The following C20orf203 variants were observed in gnomAD, a reference collection of about 807,000 sequenced individuals.
C20orf203 encodes the protein uncharacterized protein C20orf203.
In C20orf203, 16 loss-of-function variants were observed where a neutral mutation model predicts 15.9. The ratio of observed to expected loss-of-function variants is 1.01; its 90% CI spans 0.68 to 1.53. The LOEUF (loss-of-function observed/expected upper bound fraction) is 1.53, where lower values mean the gene tolerates loss of function less well. C20orf203 is among the 40% of genes most tolerant of loss of function. C20orf203 has a pLI of 0.00. For synonymous variants in C20orf203, 98 were observed against 97.2 expected, an observed-to-expected ratio of 1.01 and a Z score of -0.05; for missense variants, 263 against 247.5, an observed-to-expected ratio of 1.06 and a Z score of -0.42.
chr20:32,664,497 C>T (rs1436671506), intron 1 of C20orf203, among the ~76,000 whole-genome samples: 1 of 152,238 alleles, frequency 6.6e-6, no homozygotes, highest in African/African-American at 2.4e-5. Context: ...CTCCTGCCCT[C>T]CTCCTGGGCT....
At chr20:32,666,830 T>C (rs1228649375) in intron 1 of C20orf203, among the ~76,000 whole-genome samples, 1 of 109,744 alleles carries the variant, frequency 9.1e-6, no homozygotes, top group African/African-American at 3.5e-5. Flanking sequence ...TATATAGTTT[T>C]GTTTTGTTTT....
intron 4 of C20orf203, among the ~76,000 whole-genome samples, chr20:32,641,179 T>C (rs1982270619): frequency 6.6e-6 from 1 of 151,594 alleles, no homozygotes; most frequent in Non-Finnish European, 1.5e-5. Flanking sequence ...CAAAATATTA[T>C]CTGGGTGTCG....
At chr20:32,639,083 C>A (rs1023889073) in intron 5 of C20orf203, among the ~76,000 whole-genome samples, 4 of 152,222 alleles carry the variant, frequency 2.6e-5, no homozygotes, top group Non-Finnish European at 4.4e-5. Flanking sequence ...GTGCCTCTAG[C>A]CCCTACCCAG....
At chr20:32,646,524 G>C (rs1982438203) in intron 4 of C20orf203, among the ~76,000 whole-genome samples, 1 of 152,202 alleles carries the variant, frequency 6.6e-6, no homozygotes, top group South Asian at 2.1e-4. Flanking sequence ...GGATTAAACT[G>C]TGTGTCAAGG....
chr20:32,649,803 G>A lies in C20orf203; in HGVS notation c.*629C>T, dbSNP rs1467040747. Reference sequence around the variant, plus strand: ...ACCCTTCTTCAGGGAAACAGAAGGGGGCTGGTTCGGCCCCGGACCATGGGC... The same window carrying A: ...ACCCTTCTTCAGGGAAACAGAAGGGAGCTGGTTCGGCCCCGGACCATGGGC... On this transcript the variant is annotated 3_prime_UTR_variant, in exon 4 of 6. Coordinates refer to ENST00000608990, the MANE Select transcript of C20orf203 (RefSeq NM_182584.4). 6.5e-6 allele frequency: 1 copy of A among 152,690 alleles called. No individual in the cohort carries two copies. Among genetic ancestry groups the A allele is most frequent in the Non-Finnish European group, 1.5e-5 (1 of 68,410 alleles). The allele number at this position is 152,690 out of a possible 1,614,324, so 9.5% of individuals were successfully genotyped here.
intron 1 of C20orf203, among the ~76,000 whole-genome samples, chr20:32,665,773 G>A (rs1983004230): frequency 6.6e-6 from 1 of 152,068 alleles, no homozygotes; most frequent in Admixed American, 6.6e-5. Flanking sequence ...AGACCAGCCT[G>A]GCCAAGATGG....
At position 32,633,706 on chromosome 20, in the gene C20orf203, C is replaced by T. The variant is rs1433887791; in HGVS notation, c.*1864G>A. Reference sequence around the variant, plus strand: ...GGGCTCCAGAGCCCATGACACGTTTCCCTCTTGTAGAAGGTCCTTGTCTGT... The same window carrying T: ...GGGCTCCAGAGCCCATGACACGTTTTCCTCTTGTAGAAGGTCCTTGTCTGT... On this transcript the variant is annotated 3_prime_UTR_variant, in exon 6 of 6. Transcript: ENST00000608990. 6.9e-6 allele frequency: 2 copies of T among 289,434 alleles called. No individual in the cohort carries two copies. Among genetic ancestry groups the T allele is most frequent in the African/African-American group, 2.2e-5 (1 of 46,334 alleles). 17.9% of individuals were successfully genotyped at this position (289,434 alleles called of 1,614,324 possible).
chr20:32,650,418 C>A lies in C20orf203; in HGVS notation c.*14G>T. Reference sequence around the variant, plus strand: ...AGGCAGGCAGAGCTGGGGGTGGGGGCGCCCTGGGCTCGGCTAATTAAACAG... The same window carrying A: ...AGGCAGGCAGAGCTGGGGGTGGGGGAGCCCTGGGCTCGGCTAATTAAACAG... On this transcript the variant is annotated 3_prime_UTR_variant, in exon 4 of 6. Coordinates refer to ENST00000608990, the MANE Select transcript of C20orf203 (RefSeq NM_182584.4). 6.5e-7 allele frequency: 1 copy of A among 1,539,230 alleles called. No individual in the cohort carries two copies. Among genetic ancestry groups the A allele is most frequent in the African/African-American group, 1.4e-5 (1 of 72,980 alleles).
intron 5 of C20orf203, among the ~76,000 whole-genome samples, chr20:32,636,343 G>A (rs1982137907): frequency 6.6e-6 from 1 of 152,182 alleles, no homozygotes; most frequent in Admixed American, 6.5e-5. Context: ...CTGAACTAGT[G>A]CAGACATCTG....
intron 5 of C20orf203, among the ~76,000 whole-genome samples, chr20:32,637,662 T>G (rs1365978072): frequency 6.6e-6 from 1 of 152,192 alleles, no homozygotes; most frequent in Non-Finnish European, 1.5e-5. Context: ...CAGTGTCAGC[T>G]CCACATGGGC....
chr20:32,667,832 A>T (rs748535928), intron 1 of C20orf203, among the ~76,000 whole-genome samples: 1 of 152,020 alleles, frequency 6.6e-6, no homozygotes, highest in Non-Finnish European at 1.5e-5. Context: ...CACCACACCC[A>T]GCTAATTTTT....
chr20:32,652,391 G>A (rs1185299740), intron 1 of C20orf203, among the ~76,000 whole-genome samples: 1 of 149,288 alleles, frequency 6.7e-6, no homozygotes, highest in Non-Finnish European at 1.5e-5. Flanking sequence ...AGCCCTCCAT[G>A]CAAAGGGGCT....
At chr20:32,648,342 C>T (rs1370920215) in intron 4 of C20orf203, among the ~76,000 whole-genome samples, 1 of 152,000 alleles carries the variant, frequency 6.6e-6, no homozygotes, top group East Asian at 1.9e-4. Context: ...CCTGGACCAC[C>T]CCTCCCGAAA....
At chr20:32,657,492 A>AAACAAC (rs3080486) in intron 1 of C20orf203, 19,820 of 150,714 alleles carry the variant, frequency 0.13, 1,501 homozygotes, top group East Asian at 0.29. Flanking sequence ...TCTGTCTCCA[A>AAACAAC]AACAACAACA....
chr20:32,650,710 C>G lies in C20orf203; in HGVS notation c.307G>C (p.Gly103Arg). The G allele has an allele frequency of 6.5e-7, 1 of 1,547,562 alleles. No individual in the cohort carries two copies. Among genetic ancestry groups the G allele is most frequent in the Non-Finnish European group, 8.7e-7 (1 of 1,145,302 alleles). ...YQERIWVGGE[G>R]WGEVGGLRLS... The stretch of plus-strand genomic sequence containing the variant: ...CTGAGGCCTCCAACTTCCCCCCACC[C>G]CTCCCCACCAACCCAAATCCTTTCC... Residue 103 changes from glycine (G) to arginine (R), a missense_variant, in exon 4 of 6, where the codon GGG becomes CGG. By Grantham distance (125) the Gly-to-Arg change is moderately radical. Coordinates refer to ENST00000608990, the MANE Select transcript of C20orf203 (RefSeq NM_182584.4).
intron 1 of C20orf203, among the ~76,000 whole-genome samples, chr20:32,663,322 T>TGA (rs936082161): frequency 3.5e-5 from 5 of 142,636 alleles, no homozygotes; most frequent in African/African-American, 1.3e-4. Context: ...AATAAGAGAA[T>TGA]GAGAAAAAAA....
chr20:32,669,092 C>T (rs990977415), intron 1 of C20orf203, among the ~76,000 whole-genome samples: 6 of 152,296 alleles, frequency 3.9e-5, no homozygotes, highest in African/African-American at 1.2e-4. Context: ...GTGCTGGTAA[C>T]GGGGCAATTA....
At chr20:32,653,831 G>T (rs905207898) in intron 1 of C20orf203, among the ~76,000 whole-genome samples, 2 of 152,180 alleles carry the variant, frequency 1.3e-5, no homozygotes, top group East Asian at 1.9e-4. Context: ...AGTGGCTCAT[G>T]CCTGTAATCT....
At position 32,633,611 on chromosome 20, in the gene C20orf203, C is replaced by T. The variant is rs1225604295; in HGVS notation, c.*1959G>A. 2 of 168,638 alleles carry T rather than the reference C, an allele frequency of 1.2e-5. No homozygotes were observed. Among genetic ancestry groups the T allele is most frequent in the Non-Finnish European group, 2.5e-5 (2 of 79,456 alleles). The allele number at this position is 168,638 out of a possible 1,614,324, so 10.4% of individuals were successfully genotyped here. A position where few individuals can be genotyped will look rare whatever the true frequency, so the allele number is the denominator to read the frequency against. ...GGCATGAATGAAGTATTATTATCCT[C>T]ATTTTATGGGAAAAACTGAGGCACA... On this transcript the variant is annotated 3_prime_UTR_variant, in exon 6 of 6. Transcript: ENST00000608990.
Sources: allele counts gnomAD v4.1 joint callset (sites outside exome capture counted in the v4.1 genomes callset), GRCh38; gene constraint gnomAD v4.1.1; transcripts MANE v1.5; gene names NCBI Gene and HGNC (gene_info 2026-07-23, HGNC 2026-07-21).